Variants in TMTC4 observed in about 807,000 individuals in gnomAD.
TMTC4 encodes the protein transmembrane O-mannosyltransferase targeting cadherins 4, also known as protein O-mannosyl-transferase TMTC4.
TMTC4 carries 65 observed loss-of-function variants against 86.0 expected under a neutral mutation model. The observed-to-expected ratio is 0.76, with a 90% CI of 0.62 to 0.93. The LOEUF (loss-of-function observed/expected upper bound fraction) is 0.93. TMTC4 is among the 40% of genes least tolerant of loss of function. The pLI, the probability that TMTC4 is intolerant of heterozygous loss-of-function variation, is 0.00. For missense variants in TMTC4, 866 were observed against 948.1 expected (o/e 0.91, Z 1.14); for synonymous variants, 379 against 382.5 (o/e 0.99, Z 0.11).
At chr13:100,619,647 T>C (rs1879186139) in intron 15 of TMTC4, among the ~76,000 whole-genome samples, 1 of 147,508 alleles carries the variant, frequency 6.8e-6, no homozygotes, top group South Asian at 2.2e-4. Context: ...TTTATGAACA[T>C]CCATTTGCTA....
intron 3 of TMTC4, among the ~76,000 whole-genome samples, chr13:100,664,572 C>G (rs936538228): frequency 2.0e-5 from 3 of 152,204 alleles, no homozygotes; most frequent in African/African-American, 7.2e-5. Flanking sequence ...GTTGCAGACC[C>G]TGGCTTCCCC....
rs182246708 is a variant in TMTC4, at chr13:100,636,541, T to C, written c.1193A>G (p.His398Arg). 5.6e-6 allele frequency: 9 copies of C among 1,614,204 alleles called. No homozygotes were observed. In the East Asian group the frequency reaches 1.3e-4, roughly 24 times the overall value. ...ICQALCSEDG[H>R]KRRILTLGLG... ...CAGTGCTGCCTCTTACCTTCTCTTGTGGCCGTCTTCAGAGCACAGGGCTTG... is the reference window on the plus strand; with the variant it reads ...CAGTGCTGCCTCTTACCTTCTCTTGCGGCCGTCTTCAGAGCACAGGGCTTG... The change falls in exon 10 of 19, where the codon CAC (histidine) becomes CGC (arginine). Residue 398 changes from histidine (H) to arginine (R), a missense_variant. His to Arg is a conservative substitution (Grantham distance 29, BLOSUM62 0). Coordinates refer to ENST00000342624, the MANE Select transcript of TMTC4 (RefSeq NM_032813.5).
intron 16 of TMTC4, among the ~76,000 whole-genome samples, chr13:100,613,986 T>C (rs1878063089): frequency 6.6e-6 from 1 of 151,586 alleles, no homozygotes; most frequent in African/African-American, 2.4e-5. Flanking sequence ...ATTATAGGCA[T>C]GCGCCACCAC....
intron 12 of TMTC4, among the ~76,000 whole-genome samples, chr13:100,634,604 T>C (rs1881931519): frequency 6.6e-6 from 1 of 152,128 alleles, no homozygotes; most frequent in Non-Finnish European, 1.5e-5. Context: ...TTAAATGACT[T>C]CTTTTCAATT....
intron 6 of TMTC4, among the ~76,000 whole-genome samples, chr13:100,650,526 T>C (rs1380915315): frequency 6.6e-6 from 1 of 152,216 alleles, no homozygotes; most frequent in Non-Finnish European, 1.5e-5. Flanking sequence ...AACTGGCACG[T>C]CATGTTGTGT....
upstream of TMTC4, chr13:100,674,907 A>T (rs886833570): frequency 2.5e-5 from 25 of 982,248 alleles, no homozygotes; most frequent in Non-Finnish European, 3.0e-5. Context: ...GGCGCCCCCC[A>T]GCACCAGTCT....
chr13:100,642,274 C>T lies in TMTC4; in HGVS notation c.678G>A (p.Val226=). The change falls in exon 7 of 19, where the codon GTG becomes GTA. Residue 226 remains valine, a synonymous_variant. Coordinates refer to ENST00000342624, the MANE Select transcript of TMTC4 (RefSeq NM_032813.5). The part of the protein sequence containing the change: ...KEGAHSSTFW[V]LLSIFLGAVA... ...CTGCTCCCAGAAAGATACTCAGCAG[C>T]ACCCAGAAGGTGGAAGAATGCGCTC... The T allele has an allele frequency of 6.2e-7, 1 of 1,614,232 alleles. No individual in the cohort carries two copies. The highest frequency in any genetic ancestry group is 8.5e-7 in the Non-Finnish European group (1 of 1,180,042).
chr13:100,657,869 C>T (rs1461174678), intron 5 of TMTC4, among the ~76,000 whole-genome samples: 2 of 152,106 alleles, frequency 1.3e-5, no homozygotes, highest in African/African-American at 4.8e-5. Context: ...CACGAAATGC[C>T]GAGGACCATT....
chr13:100,646,064 G>C (rs1883697641), intron 6 of TMTC4, among the ~76,000 whole-genome samples: 1 of 152,138 alleles, frequency 6.6e-6, no homozygotes, highest in Admixed American at 6.5e-5. Context: ...CCATGAACCT[G>C]CACCTGGATC....
intron 2 of TMTC4, among the ~76,000 whole-genome samples, chr13:100,669,326 G>T (rs1035184429): frequency 2.0e-5 from 3 of 152,108 alleles, no homozygotes; most frequent in Non-Finnish European, 4.4e-5. Flanking sequence ...ACAGAGACAG[G>T]GGAGTCGAAC....
intron 6 of TMTC4, among the ~76,000 whole-genome samples, chr13:100,655,538 G>C (rs961356933): frequency 1.3e-5 from 2 of 152,100 alleles, no homozygotes; most frequent in Non-Finnish European, 2.9e-5. Context: ...TTATGGGGCC[G>C]GCCAATTCAA....
At position 100,636,950 on chromosome 13, in the gene TMTC4, C is replaced by G. The variant is rs143397799; in HGVS notation, c.1000-216G>C. 5.2e-3 allele frequency among the ~76,000 whole-genome samples: 785 copies of G among 152,178 alleles called. 11 individuals carry two copies. The highest frequency in any genetic ancestry group is 6.3e-3 in the Non-Finnish European group (430 of 68,006). ...TTTGGTATATAAAAATATGGCAAAG[C>G]CATCAGACTATGCAATACATTCGTT... is the stretch of plus-strand genomic sequence containing the variant. On this transcript the variant is annotated intron_variant, in intron 9 of 18. Transcript: ENST00000342624.
chr13:100,624,328 T>A (rs1363325305), intron 15 of TMTC4: 2 of 135,330 alleles, frequency 1.5e-5, no homozygotes, highest in African/African-American at 5.7e-5. Flanking sequence ...GGTGACAGAG[T>A]GAGACTCTGT....
intron 6 of TMTC4, among the ~76,000 whole-genome samples, chr13:100,643,003 A>C (rs1883227771): frequency 6.6e-6 from 1 of 152,162 alleles, no homozygotes; most frequent in Non-Finnish European, 1.5e-5. Context: ...ACACTGTAAG[A>C]AGCTCAGGTG....
At chr13:100,659,758 CA>C (rs929381143) in intron 5 of TMTC4, among the ~76,000 whole-genome samples, 3 of 150,580 alleles carry the variant, frequency 2.0e-5, no homozygotes, top group African/African-American at 7.4e-5. Context: ...TTGAGGAGCA[CA>C]AAACACCGAC....
At chr13:100,674,977 A>G, upstream of TMTC4, 5 of 985,488 alleles carry the variant, frequency 5.1e-6, no homozygotes, top group Non-Finnish European at 6.0e-6. Flanking sequence ...GGCCACAGCC[A>G]AGTCCCTCCT....
At chr13:100,609,126 C>T (rs1055662600) in intron 17 of TMTC4, among the ~76,000 whole-genome samples, 6 of 152,112 alleles carry the variant, frequency 3.9e-5, no homozygotes, top group Non-Finnish European at 7.3e-5. Context: ...TCCCTCCTTC[C>T]TTCTGATTGC....
At chr13:100,671,124 G>C (rs1887043935) in intron 1 of TMTC4, among the ~76,000 whole-genome samples, 1 of 152,188 alleles carries the variant, frequency 6.6e-6, no homozygotes, top group African/African-American at 2.4e-5. Flanking sequence ...AACCGGTTTT[G>C]ACGTTATCTG....
intron 9 of TMTC4, among the ~76,000 whole-genome samples, chr13:100,637,172 A>G (rs538226376): frequency 4.6e-5 from 7 of 152,242 alleles, no homozygotes; most frequent in Admixed American, 4.6e-4. Context: ...AATCTAAAAG[A>G]ATAGTCTTGA....
Sources: allele counts gnomAD v4.1 joint callset (sites outside exome capture counted in the v4.1 genomes callset), GRCh38; gene constraint gnomAD v4.1.1; transcripts MANE v1.5; gene names NCBI Gene and HGNC (gene_info 2026-07-23, HGNC 2026-07-21).